The following DUSP26 variants were observed in gnomAD, a reference collection of about 807,000 sequenced individuals.
The protein encoded by DUSP26 is dual specificity phosphatase 26, also known as dual specificity protein phosphatase 26.
DUSP26 carries 12 observed loss-of-function variants against 20.0 expected under a neutral mutation model. That is an observed-to-expected ratio of 0.60 (90% CI 0.38 to 0.97). DUSP26 has a LOEUF of 0.97. Among genes scored for constraint, DUSP26 ranks in the 50% least tolerant of loss-of-function variants. DUSP26 has a pLI of 0.00. For missense variants in DUSP26, 230 were observed against 294.0 expected (o/e 0.78, Z 1.59); for synonymous variants, 120 against 118.8 (o/e 1.01, Z -0.06).
At chr8:33,596,256 C>T (rs1811142163) in intron 2 of DUSP26, among the ~76,000 whole-genome samples, 1 of 151,266 alleles carries the variant, frequency 6.6e-6, no homozygotes, top group South Asian at 2.1e-4. Context: ...TGCACTCCAG[C>T]CTGGGCAACA....
chr8:33,598,350 C>T (rs1283430738), intron 1 of DUSP26, among the ~76,000 whole-genome samples: 1 of 151,678 alleles, frequency 6.6e-6, no homozygotes, highest in Non-Finnish European at 1.5e-5. Context: ...GATCTCAGCT[C>T]TAATGTGAGA....
intron 2 of DUSP26, among the ~76,000 whole-genome samples, chr8:33,594,330 C>T (rs906059730): frequency 1.3e-5 from 2 of 151,878 alleles, no homozygotes; most frequent in African/African-American, 4.8e-5. Context: ...CGGTGGCTCA[C>T]GCCTGTAATC....
intron 2 of DUSP26, among the ~76,000 whole-genome samples, chr8:33,595,805 A>C (rs1361507543): frequency 6.6e-6 from 1 of 152,112 alleles, no homozygotes; most frequent in Non-Finnish European, 1.5e-5. Context: ...TGTCCAGTGC[A>C]AACTCCTTAA....
At chr8:33,595,301 C>A (rs573138838) in intron 2 of DUSP26, among the ~76,000 whole-genome samples, 1 of 152,170 alleles carries the variant, frequency 6.6e-6, no homozygotes, top group East Asian at 1.9e-4. Flanking sequence ...CACCCAGAAC[C>A]GTCTTGTGTT....
rs749924912 is a variant in DUSP26, at chr8:33,593,568, G to T, written c.401C>A (p.Ala134Asp). The T allele has an allele frequency of 6.2e-6, 10 of 1,613,892 alleles. No homozygotes were observed. The highest frequency in any genetic ancestry group is 8.5e-6 in the Non-Finnish European group (10 of 1,179,908). Residue 134 changes from alanine to aspartate, a missense_variant, in exon 3 of 4, where the codon GCC (alanine) becomes GAC (aspartate). Coordinates refer to ENST00000256261, the MANE Select transcript of DUSP26 (RefSeq NM_024025.3). ...GCTCAGCGCCCGGTGGATGAAGTCG[G>T]CAGCCGTCTGGAAGTGGATGCTCAT... ...FDMSIHFQTA[A>D]DFIHRALSQP...
intron 1 of DUSP26, chr8:33,597,879 G>GCAGACACACACACACA: frequency 1.2e-5 from 1 of 85,710 alleles, no homozygotes; most frequent in East Asian, 4.0e-4. Context: ...CTGCCAGCAC[G>GCAGACACACACACACA]CATACACACA....
chr8:33,597,601 G>A lies in DUSP26; in HGVS notation c.-76-10C>T. On this transcript the variant is annotated splice_polypyrimidine_tract_variant and intron_variant, in intron 1 of 3. Transcript: ENST00000256261. Reference sequence around the variant, plus strand: ...TGCCAGGTAGCTGCTGCTGGAAGAGGAAGGGGTGTGAGACACACTTGAGTG... The same window carrying A: ...TGCCAGGTAGCTGCTGCTGGAAGAGAAAGGGGTGTGAGACACACTTGAGTG... The A allele has an allele frequency of 8.2e-7, 1 of 1,213,014 alleles. No homozygotes were observed. The highest frequency in any genetic ancestry group is 1.2e-6 in the Non-Finnish European group (1 of 864,710). 75.1% of individuals were successfully genotyped at this position (1,213,014 alleles called of 1,614,324 possible). A position where few individuals can be genotyped will look rare whatever the true frequency, so the allele number is the denominator to read the frequency against.
In DUSP26 at chr8:33,593,752, A is replaced by G. The variant is rs1328803279; in HGVS notation, c.222-5T>C. 1.2e-6 allele frequency: 2 copies of G among 1,614,040 alleles called. No homozygotes were observed. Among genetic ancestry groups the G allele is most frequent in the East Asian group, 4.5e-5 (2 of 44,876 alleles). On this transcript the variant is annotated splice_region_variant and splice_polypyrimidine_tract_variant and intron_variant, in intron 2 of 3. Transcript: ENST00000256261. Reference sequence around the variant, plus strand: ...CGGCGGTTGTTAGCCATGTCCCTGCATTGAGTAGAGGTTAGAGGAAGGGTG... The same window carrying G: ...CGGCGGTTGTTAGCCATGTCCCTGCGTTGAGTAGAGGTTAGAGGAAGGGTG...
chr8:33,596,450 T>C (rs866150713), intron 2 of DUSP26, among the ~76,000 whole-genome samples: 13 of 151,796 alleles, frequency 8.6e-5, no homozygotes, highest in African/African-American at 2.9e-4. Flanking sequence ...GGCAAGGCGG[T>C]GTGTGCCTGT....
chr8:33,594,575 G>A (rs150791479), intron 2 of DUSP26, among the ~76,000 whole-genome samples: 3,856 of 151,700 alleles, frequency 0.025, 101 homozygotes, highest in East Asian at 0.13. Flanking sequence ...CTGGGTGACA[G>A]AGCAAGACTC....
intron 2 of DUSP26, among the ~76,000 whole-genome samples, chr8:33,595,353 T>G (rs562018768): frequency 4.0e-5 from 6 of 150,664 alleles, no homozygotes; most frequent in Non-Finnish European, 5.9e-5. Flanking sequence ...GTGACTGTGT[T>G]TTTTTTTGTT....
chr8:33,593,294 C>T (rs1332066406), intron 3 of DUSP26, among the ~76,000 whole-genome samples: 1 of 151,898 alleles, frequency 6.6e-6, no homozygotes, highest in Non-Finnish European at 1.5e-5. Context: ...AAGAAAAAGT[C>T]GATCACATAT....
chr8:33,591,988 T>G lies in DUSP26; in HGVS notation c.*25A>C, dbSNP rs754693833. 6 of 1,610,814 alleles carry G rather than the reference T, an allele frequency of 3.7e-6. No homozygotes were observed. In the East Asian group the frequency reaches 1.3e-4, roughly 36 times the overall value. Reference sequence around the variant, plus strand: ...GGAGCCAGGGACCTACCCACGGGCCTGGCCTGACCTCTCTCCCCCTCCCCT... The same window carrying G: ...GGAGCCAGGGACCTACCCACGGGCCGGGCCTGACCTCTCTCCCCCTCCCCT... On this transcript the variant is annotated 3_prime_UTR_variant, in exon 4 of 4. Transcript: ENST00000256261.
At chr8:33,597,637 AGCTGCTTCCCTTCCCTGG>A in intron 1 of DUSP26, 46 bp from the exon 2 acceptor site, 1 of 783,040 alleles carries the variant, frequency 1.3e-6, no homozygotes, top group Non-Finnish European at 2.0e-6. Flanking sequence ...AGTCCAGAGC[AGCTGCTTCCCTTCCCTGG>A]GCTGGTCCTT....
At chr8:33,597,190 C>T in intron 2 of DUSP26, 105 bp downstream of exon 2, 1 of 1,160,378 alleles carries the variant, frequency 8.6e-7, no homozygotes, top group Non-Finnish European at 1.2e-6. Flanking sequence ...AATCTTCAAC[C>T]AGGAACCAAT....
intron 1 of DUSP26, among the ~76,000 whole-genome samples, 180 bp downstream of exon 1, chr8:33,599,485 C>T (rs1049419165): frequency 6.6e-6 from 1 of 152,270 alleles, no homozygotes; most frequent in Non-Finnish European, 1.5e-5. Context: ...CCCCAGTCCT[C>T]GCCAGCCTGG....
chr8:33,597,261 G>A (rs758531240), intron 2 of DUSP26, 34 bp downstream of exon 2: 19 of 1,558,026 alleles, frequency 1.2e-5, no homozygotes, highest in African/African-American at 8.2e-5. Flanking sequence ...ACACACACAC[G>A]CTCTACCGTG....
chr8:33,598,018 G>C (rs1811191712), intron 1 of DUSP26, among the ~76,000 whole-genome samples: 1 of 151,992 alleles, frequency 6.6e-6, no homozygotes. Context: ...ATGGGGTTGG[G>C]GGTACCTTTA....
Position 33,592,031 on chromosome 8 carries a change from C to T in DUSP26, c.618G>A (p.Arg206=). The change falls in exon 4 of 4, where the codon CGG becomes CGA. Residue 206 remains arginine (R), a synonymous_variant. Transcript: ENST00000256261. ...RQLLALDRRL[R]QGLEA The stretch of plus-strand genomic sequence containing the variant: ...CCTCCCCTCATGCTTCCAGACCCTG[C>T]CGCAGCCTGCGGTCCAGGGCCAGGA... 1.2e-6 allele frequency: 2 copies of T among 1,613,768 alleles called. No homozygotes were observed. The highest frequency in any genetic ancestry group is 2.7e-5 in the African/African-American group (2 of 75,030).
Sources: allele counts gnomAD v4.1 joint callset (sites outside exome capture counted in the v4.1 genomes callset), GRCh38; gene constraint gnomAD v4.1.1; transcripts MANE v1.5; gene names NCBI Gene and HGNC (gene_info 2026-07-23, HGNC 2026-07-21).